The following PCSK5 variants were observed in gnomAD, a reference collection of about 807,000 sequenced individuals.
The protein encoded by PCSK5 is prohormone convertase 5.
Under a neutral mutation model 233.2 loss-of-function variants are expected in PCSK5, and 129 were observed. The observed-to-expected ratio is 0.55, with a 90% CI of 0.48 to 0.64. PCSK5 has a LOEUF of 0.64. Ranked by LOEUF, PCSK5 falls within the 30% of genes least tolerant of loss-of-function variation. PCSK5 has a pLI of 0.00. For missense variants in PCSK5, 2,076 were observed against 2,430.1 expected (o/e 0.85, Z 3.06); for synonymous variants, 825 against 879.2 (o/e 0.94, Z 1.09).
intron 12 of PCSK5, among the ~76,000 whole-genome samples, chr9:76,166,950 A>T (rs1020847559): frequency 8.5e-5 from 13 of 152,214 alleles, no homozygotes; most frequent in Admixed American, 4.6e-4. Context: ...CAATGGATGT[A>T]AGTTAAGTAT....
intron 11 of PCSK5, among the ~76,000 whole-genome samples, chr9:76,158,057 A>C (rs369004754): frequency 6.6e-6 from 1 of 150,422 alleles, no homozygotes; most frequent in Admixed American, 6.7e-5. Context: ...CACTTACTGA[A>C]TATCAAGCAC....
chr9:76,209,210 A>G (rs1825233824), intron 20 of PCSK5, among the ~76,000 whole-genome samples: 1 of 152,210 alleles, frequency 6.6e-6, no homozygotes, highest in African/African-American at 2.4e-5. Flanking sequence ...AACTTTCAGA[A>G]CAACTCCAGC....
At chr9:75,907,175 A>G (rs1005659263) in intron 1 of PCSK5, among the ~76,000 whole-genome samples, 2 of 152,350 alleles carry the variant, frequency 1.3e-5, no homozygotes, top group Non-Finnish European at 2.9e-5. Flanking sequence ...AGGGAATTAA[A>G]TATAGTTAAG....
At chr9:76,299,718 A>G (rs1308227967) in intron 27 of PCSK5, among the ~76,000 whole-genome samples, 1 of 152,156 alleles carries the variant, frequency 6.6e-6, no homozygotes, top group East Asian at 1.9e-4. Flanking sequence ...AATATTCGAC[A>G]GGCTGCAAAT....
chr9:76,186,267 CTTTA>C (rs1318797678), intron 17 of PCSK5, among the ~76,000 whole-genome samples: 2 of 152,076 alleles, frequency 1.3e-5, no homozygotes, highest in Non-Finnish European at 2.9e-5. Flanking sequence ...AATATTTGAT[CTTTA>C]TTTAGGTTTC....
At chr9:75,936,651 T>G (rs188643643) in intron 2 of PCSK5, among the ~76,000 whole-genome samples, 2 of 152,334 alleles carry the variant, frequency 1.3e-5, no homozygotes, top group African/African-American at 4.8e-5. Context: ...CTATCACATA[T>G]CACATCTGCA....
At chr9:76,199,551 A>G (rs1824835843) in intron 20 of PCSK5, among the ~76,000 whole-genome samples, 1 of 152,028 alleles carries the variant, frequency 6.6e-6, no homozygotes, top group South Asian at 2.1e-4. Context: ...GTCACTATTC[A>G]CCCTCTAGGG....
intron 20 of PCSK5, among the ~76,000 whole-genome samples, chr9:76,206,482 C>G (rs1421550928): frequency 6.6e-6 from 1 of 152,200 alleles, no homozygotes; most frequent in Non-Finnish European, 1.5e-5. Flanking sequence ...CTGCTCTCCC[C>G]AGGCTGCCGG....
chr9:76,201,210 G>A (rs969650612), intron 20 of PCSK5, among the ~76,000 whole-genome samples: 3 of 152,118 alleles, frequency 2.0e-5, no homozygotes, highest in Non-Finnish European at 4.4e-5. Context: ...AGATCCCCTA[G>A]CCCTCTAAAC....
At chr9:75,911,525 T>C (rs559558383) in intron 1 of PCSK5, among the ~76,000 whole-genome samples, 1 of 152,320 alleles carries the variant, frequency 6.6e-6, no homozygotes, top group East Asian at 1.9e-4. Context: ...TTGGAACTTA[T>C]GTGCTCATCA....
chr9:76,255,843 GA>G (rs1587809597), intron 24 of PCSK5, among the ~76,000 whole-genome samples: 2 of 151,848 alleles, frequency 1.3e-5, no homozygotes, highest in African/African-American at 2.4e-5. Flanking sequence ...TCAAAAAGAA[GA>G]AAAAAATTCC....
At chr9:76,164,950 A>T (rs1351093897) in intron 12 of PCSK5, among the ~76,000 whole-genome samples, 1 of 152,016 alleles carries the variant, frequency 6.6e-6, no homozygotes, top group Admixed American at 6.6e-5. Context: ...CAAAAAAAAA[A>T]AAACTTATCA....
chr9:76,100,761 C>T (rs1831721248), intron 8 of PCSK5, among the ~76,000 whole-genome samples: 1 of 152,126 alleles, frequency 6.6e-6, no homozygotes, highest in Admixed American at 6.6e-5. Flanking sequence ...GAATTTCATT[C>T]CTTTACCCTT....
chr9:76,188,594 T>C lies in PCSK5; in HGVS notation c.2299T>C (p.Cys767Arg). The part of the protein sequence containing the change: ...RDGLSLQGSR[C>R]SVSCEDGRYF... ...TTCTTCCAGCCTGCAGGGATCCCGG[T>C]GCTCTGTCTCCTGTGAAGATGGACG... is the stretch of plus-strand genomic sequence containing the variant. The change falls in exon 18 of 38, where the codon TGC becomes CGC. Residue 767 changes from cysteine to arginine, a missense_variant. Physicochemically the swap from Cys to Arg is radical, Grantham distance 180. This residue lies in a region of PCSK5 where 1,510 missense variants were observed against 1,538.1 expected (regional missense o/e 0.98). Coordinates refer to ENST00000674117, the MANE Select transcript of PCSK5 (RefSeq NM_001372043.1). The C allele has an allele frequency of 6.2e-7, 1 of 1,613,248 alleles. No homozygotes were observed. Among genetic ancestry groups the C allele is most frequent in the Non-Finnish European group, 8.5e-7 (1 of 1,179,258 alleles).
chr9:76,251,419 C>T (rs1466522709), intron 24 of PCSK5, among the ~76,000 whole-genome samples: 1 of 151,880 alleles, frequency 6.6e-6, no homozygotes, highest in South Asian at 2.1e-4. Context: ...AAAAAATTAG[C>T]TGGGCGTGGT....
intron 14 of PCSK5, among the ~76,000 whole-genome samples, chr9:76,176,595 T>C (rs1474983661): frequency 3.3e-5 from 5 of 152,218 alleles, no homozygotes; most frequent in African/African-American, 4.8e-5. Flanking sequence ...AATCTTTCCA[T>C]TTAAAACATA....
chr9:75,941,891 G>A (rs1013506385), intron 2 of PCSK5, among the ~76,000 whole-genome samples: 9 of 152,186 alleles, frequency 5.9e-5, no homozygotes, highest in African/African-American at 1.7e-4. Context: ...GTACGCTGCT[G>A]GAATATCTGA....
chr9:76,327,973 T>C, intron 32 of PCSK5, 36 bp from the exon 33 acceptor site: 1 of 1,389,126 alleles, frequency 7.2e-7, no homozygotes, highest in East Asian at 2.3e-5. Context: ...ACCCTGGCTC[T>C]CGCTCACTCT....
At chr9:75,958,706 G>C (rs1825203846) in intron 2 of PCSK5, among the ~76,000 whole-genome samples, 1 of 152,150 alleles carries the variant, frequency 6.6e-6, no homozygotes, top group Non-Finnish European at 1.5e-5. Flanking sequence ...GTCTTTCATT[G>C]ACAGTGAACA....
Sources: allele counts gnomAD v4.1 joint callset (sites outside exome capture counted in the v4.1 genomes callset), GRCh38; gene constraint gnomAD v4.1.1; regional missense constraint gnomAD v4.1.1; transcripts MANE v1.5; gene names NCBI Gene and HGNC (gene_info 2026-07-23, HGNC 2026-07-21).